The following LRP1B variants were observed in gnomAD, a reference collection of about 807,000 sequenced individuals.
LRP1B encodes the protein low-density lipoprotein receptor-related protein 1B.
A neutral mutation model predicts 556.6 loss-of-function variants in LRP1B; 217 were observed. The observed-to-expected ratio is 0.39, with a 90% CI of 0.35 to 0.44. LRP1B has a LOEUF of 0.44. LRP1B is among the 20% of genes least tolerant of loss of function. The probability of loss-of-function intolerance (pLI) is 1.00; values close to 1 mark genes in which losing one functional copy is unlikely to be tolerated. For missense variants in LRP1B, 5,053 were observed against 5,620.8 expected, an observed-to-expected ratio of 0.90 and a Z score of 3.23; for synonymous variants, 2,047 against 1,865.8, an observed-to-expected ratio of 1.10 and a Z score of -2.50.
chr2:141,125,727 T>C (rs2105011137), intron 7 of LRP1B, among the ~76,000 whole-genome samples: 1 of 152,038 alleles, frequency 6.6e-6, no homozygotes, highest in Middle Eastern at 3.4e-3. Context: ...TCTGTGTACT[T>C]TATCCTTATT....
At position 141,510,909 on chromosome 2, in the gene LRP1B, C is replaced by CACT. The variant is rs70994436; in HGVS notation, c.206-30377_206-30376insAGT. Among the ~76,000 whole-genome samples the CACT allele has an allele frequency of 5.8e-5, 8 of 139,026 alleles. No homozygotes were observed. The East Asian group carries it at 1.7e-3, about 29-fold the overall frequency. The allele number at this position is 139,026 out of a possible 152,430, so 91.2% of individuals were successfully genotyped here. On this transcript the variant is annotated intron_variant, in intron 2 of 90. Transcript: ENST00000389484. ...ACACACACACACACACACACACACA[C>CACT]CCCACACAAACATACACACAAGCTC...
intron 1 of LRP1B, among the ~76,000 whole-genome samples, chr2:141,818,531 C>CTTTTTTTTT (rs70994453): frequency 1.0e-3 from 85 of 82,070 alleles, no homozygotes; most frequent in East Asian, 1.3e-3. Context: ...ATTTCTGTAT[C>CTTTTTTTTT]TTTTTTTTTT....
intron 2 of LRP1B, among the ~76,000 whole-genome samples, chr2:141,502,864 T>A (rs11695988): frequency 0.97 from 143,835 of 147,872 alleles, 70,067 homozygotes; most frequent in East Asian, 1. Context: ...TCTCAAAAAA[T>A]AAAAAATAAA....
intron 41 of LRP1B, among the ~76,000 whole-genome samples, chr2:140,690,490 C>T (rs1162453581): frequency 2.6e-5 from 4 of 152,004 alleles, no homozygotes; most frequent in Admixed American, 6.6e-5. Context: ...GTTTAATTCA[C>T]AGATCTCAGC....
At position 141,094,047 on chromosome 2, in the gene LRP1B, T is replaced by C. The variant is rs140373897; in HGVS notation, c.1014-31774A>G. 2.4e-3 allele frequency among the ~76,000 whole-genome samples: 366 copies of C among 152,170 alleles called. 3 individuals carry two copies. The highest frequency in any genetic ancestry group is 8.6e-3 in the African/African-American group (359 of 41,534). The stretch of plus-strand genomic sequence containing the variant: ...ATTATTAATATTTCAAAAGTTTCAT[T>C]ACGATATATTTCTAGAGAAAAAGAT... On this transcript the variant is annotated intron_variant, in intron 7 of 90. Coordinates refer to ENST00000389484, the MANE Select transcript of LRP1B (RefSeq NM_018557.3).
At chr2:141,155,468 TTTTTTC>T (rs1298159306) in intron 7 of LRP1B, among the ~76,000 whole-genome samples, 2 of 115,914 alleles carry the variant, frequency 1.7e-5, no homozygotes, top group Admixed American at 8.7e-5. Context: ...TTTATTTTAT[TTTTTTC>T]TTTTTATTAT....
chr2:140,762,527 T>C (rs1287873633), intron 35 of LRP1B, among the ~76,000 whole-genome samples: 1 of 152,156 alleles, frequency 6.6e-6, no homozygotes, highest in Non-Finnish European at 1.5e-5. Context: ...CTAATCCTCT[T>C]ATGGGTGTTT....
intron 25 of LRP1B, among the ~76,000 whole-genome samples, chr2:140,878,790 C>A (rs886368934): frequency 1.2e-4 from 18 of 151,624 alleles, no homozygotes; most frequent in African/African-American, 3.4e-4. Context: ...ATGGATCATG[C>A]GAGGTCAGGA....
chr2:140,406,637 G>A (rs1425930357), intron 66 of LRP1B, among the ~76,000 whole-genome samples: 1 of 151,988 alleles, frequency 6.6e-6, no homozygotes, highest in Non-Finnish European at 1.5e-5. Context: ...CTTAATAAAG[G>A]AGGTGAAAAA....
intron 31 of LRP1B, among the ~76,000 whole-genome samples, chr2:140,821,498 A>G (rs1691327697): frequency 6.6e-6 from 1 of 152,204 alleles, no homozygotes; most frequent in Admixed American, 6.5e-5. Context: ...ACAGAAATGC[A>G]TAATATTGAA....
intron 49 of LRP1B, 57 bp from the exon 50 acceptor site, chr2:140,517,068 A>T: frequency 7.8e-7 from 1 of 1,285,226 alleles, no homozygotes; most frequent in South Asian, 1.2e-5. Flanking sequence ...AAATATAGGT[A>T]GATAAATCAT....
chr2:140,514,506 A>G (rs1439151839), intron 51 of LRP1B, 147 bp downstream of exon 51: 18 of 580,092 alleles, frequency 3.1e-5, no homozygotes, highest in Non-Finnish European at 3.7e-5. Flanking sequence ...ATGGATTGTC[A>G]TGAAAATAAT....
At position 141,322,687 on chromosome 2, in the gene LRP1B, T is replaced by C. The variant is rs563835207; in HGVS notation, c.344-68046A>G. Among the ~76,000 whole-genome samples the C allele has an allele frequency of 1.2e-3, 181 of 152,166 alleles. 2 individuals carry two copies. The highest frequency in any genetic ancestry group is 4.3e-3 in the African/African-American group (180 of 41,536). ...GGAAAAAGAGTAAAAACTAAGCATT[T>C]CTGCCCACGATCTGGGTAAATTTAC... On this transcript the variant is annotated intron_variant, in intron 3 of 90. Coordinates refer to ENST00000389484, the MANE Select transcript of LRP1B (RefSeq NM_018557.3).
At chr2:140,763,036 A>G (rs1164264386) in intron 35 of LRP1B, among the ~76,000 whole-genome samples, 1 of 152,162 alleles carries the variant, frequency 6.6e-6, no homozygotes, top group Non-Finnish European at 1.5e-5. Context: ...GTACCAATCT[A>G]TACTCTAAGT....
rs544023412 is a variant in LRP1B, at chr2:140,711,388, C to T, written c.6023+4585G>A. Among the ~76,000 whole-genome samples the T allele has an allele frequency of 3.3e-5, 5 of 152,106 alleles. No individual in the cohort carries two copies. In the East Asian group the frequency reaches 9.7e-4, roughly 30 times the overall value. ...AATTCATAGAGCTGTGTTGGTCACTCATACCAGCTGGACCTTATCTCTCTA... is the reference window on the plus strand; with the variant it reads ...AATTCATAGAGCTGTGTTGGTCACTTATACCAGCTGGACCTTATCTCTCTA... On this transcript the variant is annotated intron_variant, in intron 37 of 90. Coordinates refer to ENST00000389484, the MANE Select transcript of LRP1B (RefSeq NM_018557.3).
rs1316318520 is a variant in LRP1B, at chr2:141,005,298, C to T, written c.2503+37G>A. ...TCTGCTTCTAGTCTTCAGAAAGAGCCCGATAAACAAATAAGGGTAACTTGA... is the reference window on the plus strand; with the variant it reads ...TCTGCTTCTAGTCTTCAGAAAGAGCTCGATAAACAAATAAGGGTAACTTGA... On this transcript the variant is annotated intron_variant, in intron 15 of 90. Transcript: ENST00000389484. The T allele has an allele frequency of 1.9e-6, 3 of 1,600,756 alleles. No homozygotes were observed. The East Asian group carries it at 6.8e-5, about 36-fold the overall frequency.
chr2:140,997,115 A>T (rs957095030), intron 15 of LRP1B, among the ~76,000 whole-genome samples: 31 of 152,084 alleles, frequency 2.0e-4, no homozygotes, highest in African/African-American at 7.5e-4. Context: ...AAAATTGACA[A>T]AGTAATAAAT....
At chr2:141,393,915 A>G (rs764935672) in intron 3 of LRP1B, among the ~76,000 whole-genome samples, 2 of 152,142 alleles carry the variant, frequency 1.3e-5, no homozygotes, top group African/African-American at 2.4e-5. Flanking sequence ...TTAGTATTGT[A>G]TTCACTTTTA....
chr2:140,773,576 T>C (rs867413760), intron 33 of LRP1B, among the ~76,000 whole-genome samples: 2 of 151,830 alleles, frequency 1.3e-5, no homozygotes, highest in Admixed American at 6.6e-5. Flanking sequence ...ATATTTTTAA[T>C]ATAATTGCAA....
Sources: gnomAD v4.1 joint callset for allele counts (sites outside exome capture counted in the v4.1 genomes callset) on GRCh38, gnomAD v4.1.1 for gene constraint, MANE v1.5 for transcripts, NCBI Gene and HGNC (gene_info 2026-07-23, HGNC 2026-07-21) for gene names.